GALNTL6: variants seen among roughly 807,000 people sequenced by gnomAD.
GALNTL6 encodes the protein polypeptide N-acetylgalactosaminyltransferase-like 6.
In GALNTL6, 46 loss-of-function variants were observed where a neutral mutation model predicts 73.7. That is an observed-to-expected ratio of 0.62 (90% confidence interval 0.49 to 0.80). GALNTL6 has a LOEUF of 0.80. GALNTL6 is among the 30% of genes least tolerant of loss of function. GALNTL6 has a pLI of 0.00. For synonymous variants in GALNTL6, 259 were observed against 263.7 expected (o/e 0.98, Z 0.17); for missense variants, 604 against 755.0 (o/e 0.80, Z 2.34).
In GALNTL6 at chr4:172,950,652, C is replaced by A. The variant is rs17059044; in HGVS notation, c.1150-1385C>A. On this transcript the variant is annotated intron_variant, in intron 9 of 12. Transcript: ENST00000506823. Reference sequence around the variant, plus strand: ...GTACCAATGATGGTGTCTCCAAATCCAGCAGACCTCTGGGCATAGTTCCAG... The same window carrying A: ...GTACCAATGATGGTGTCTCCAAATCAAGCAGACCTCTGGGCATAGTTCCAG... 8.0e-3 allele frequency among the ~76,000 whole-genome samples: 1,214 copies of A among 152,260 alleles called. 19 individuals are homozygous for A. The highest frequency in any genetic ancestry group is 0.027 in the African/African-American group (1,134 of 41,556).
At position 172,506,201 on chromosome 4, in the gene GALNTL6, A is replaced by T. The variant is rs540273552; in HGVS notation, c.553+157512A>T. On this transcript the variant is annotated intron_variant, in intron 5 of 12. Coordinates refer to ENST00000506823, the MANE Select transcript of GALNTL6 (RefSeq NM_001034845.3). ...TTCATTCAGCACCTGCATACCAGTG[A>T]AACTACTGATGTCAGCTGATATGAA... is the stretch of plus-strand genomic sequence containing the variant. Among the ~76,000 whole-genome samples, 2 of 54,270 alleles carry T rather than the reference A, an allele frequency of 3.7e-5. 1 individual carries two copies. Among genetic ancestry groups the T allele is most frequent in the African/African-American group, 9.3e-5 (2 of 21,620 alleles). 35.6% of individuals were successfully genotyped at this position (54,270 alleles called of 152,430 possible). A position where few individuals can be genotyped will look rare whatever the true frequency, so the allele number is the denominator to read the frequency against.
chr4:172,991,441 C>G (rs1751536360), intron 10 of GALNTL6, among the ~76,000 whole-genome samples: 1 of 151,994 alleles, frequency 6.6e-6, no homozygotes, highest in African/African-American at 2.4e-5. Flanking sequence ...CTCTGTCACC[C>G]AGGCTGCAGT....
In GALNTL6 at chr4:172,026,660, A is replaced by G. The variant is rs1437995148; in HGVS notation, c.139-202996A>G. 2.6e-5 allele frequency among the ~76,000 whole-genome samples: 4 copies of G among 152,114 alleles called. No homozygotes were observed. The East Asian group carries it at 7.7e-4, about 29-fold the overall frequency. ...CTGCATTGTAATACACATTAGGCTCATGTTTCATTTCTATGGTTTTGTATA... is the reference window on the plus strand; with the variant it reads ...CTGCATTGTAATACACATTAGGCTCGTGTTTCATTTCTATGGTTTTGTATA... On this transcript the variant is annotated intron_variant, in intron 2 of 12. Coordinates refer to ENST00000506823, the MANE Select transcript of GALNTL6 (RefSeq NM_001034845.3).
chr4:171,846,771 T>G (rs1248227866), intron 2 of GALNTL6, among the ~76,000 whole-genome samples: 1 of 148,330 alleles, frequency 6.7e-6, no homozygotes, highest in Non-Finnish European at 1.5e-5. Flanking sequence ...TCTAGATATA[T>G]CTATAGATAT....
At position 172,552,944 on chromosome 4, in the gene GALNTL6, A is replaced by G. The variant is rs533237928; in HGVS notation, c.553+204255A>G. Among the ~76,000 whole-genome samples, 13 of 150,484 alleles carry G rather than the reference A, an allele frequency of 8.6e-5. No homozygotes were observed. The South Asian group carries it at 2.4e-3, about 27-fold the overall frequency. ...AGTACCTTTTCTCTCAAGTTGTCTT[A>G]GGTATGGTTAGATTAAATACACATC... On this transcript the variant is annotated intron_variant, in intron 5 of 12. Coordinates refer to ENST00000506823, the MANE Select transcript of GALNTL6 (RefSeq NM_001034845.3).
At chr4:172,408,298 G>A (rs1041619455) in intron 5 of GALNTL6, among the ~76,000 whole-genome samples, 2 of 151,922 alleles carry the variant, frequency 1.3e-5, no homozygotes, top group African/African-American at 2.4e-5. Context: ...ATGATTGTAT[G>A]CTTAATTTGT....
chr4:172,769,872 T>C (rs1395998093), intron 5 of GALNTL6, among the ~76,000 whole-genome samples: 2 of 152,218 alleles, frequency 1.3e-5, no homozygotes, highest in Admixed American at 6.5e-5. Context: ...TCCCAACTTT[T>C]CTCTTACAGT....
intron 2 of GALNTL6, among the ~76,000 whole-genome samples, chr4:171,923,786 C>CTCTGTGTGTGTGTGTGTGTGTG (rs1189195927): frequency 3.8e-5 from 5 of 133,206 alleles, no homozygotes; most frequent in African/African-American, 1.5e-4. Context: ...AAAAGTATTG[C>CTCTGTGTGTGTGTGTGTGTGTG]TGTGTGTGTG....
At chr4:172,160,727 T>G (rs1725097597) in intron 2 of GALNTL6, among the ~76,000 whole-genome samples, 1 of 151,912 alleles carries the variant, frequency 6.6e-6, no homozygotes, top group African/African-American at 2.4e-5. Flanking sequence ...ATATACCTAT[T>G]ATAGGGATAT....
intron 2 of GALNTL6, among the ~76,000 whole-genome samples, chr4:171,940,257 A>G (rs372619705): frequency 1.4e-4 from 22 of 152,056 alleles, no homozygotes; most frequent in African/African-American, 4.6e-4. Context: ...GGGACATTGA[A>G]GGTAATTTCT....
At chr4:171,956,721 GT>G (rs1317083196) in intron 2 of GALNTL6, among the ~76,000 whole-genome samples, 3 of 152,044 alleles carry the variant, frequency 2.0e-5, no homozygotes, top group African/African-American at 7.2e-5. Flanking sequence ...TGACTTTATT[GT>G]TGTTTCTCTC....
intron 5 of GALNTL6, among the ~76,000 whole-genome samples, chr4:172,728,884 G>A (rs56724092): frequency 0.021 from 3,268 of 152,248 alleles, 112 homozygotes; most frequent in African/African-American, 0.074. Flanking sequence ...GCCAACATCT[G>A]TTGTTGCCTG....
At chr4:172,502,946 C>G (rs914245137) in intron 5 of GALNTL6, among the ~76,000 whole-genome samples, 1 of 152,144 alleles carries the variant, frequency 6.6e-6, no homozygotes, top group Admixed American at 6.5e-5. Flanking sequence ...TGTAAATATT[C>G]ATGAAGTAAT....
chr4:172,341,721 T>A (rs1018824299), intron 4 of GALNTL6, among the ~76,000 whole-genome samples: 3 of 152,164 alleles, frequency 2.0e-5, no homozygotes, highest in Non-Finnish European at 4.4e-5. Flanking sequence ...TGTAAGATAT[T>A]GACTTGCTCC....
chr4:172,830,220 A>T (rs917359177), intron 7 of GALNTL6, among the ~76,000 whole-genome samples: 1 of 152,230 alleles, frequency 6.6e-6, no homozygotes, highest in African/African-American at 2.4e-5. Flanking sequence ...AGGAATTCTT[A>T]TATATAATCA....
Position 172,626,755 on chromosome 4 carries a change from A to G in GALNTL6, c.554-182606A>G, listed in dbSNP as rs573411517. On this transcript the variant is annotated intron_variant, in intron 5 of 12. Coordinates refer to ENST00000506823, the MANE Select transcript of GALNTL6 (RefSeq NM_001034845.3). The stretch of plus-strand genomic sequence containing the variant: ...ATTCCTAGGTAATTTTTGTGTGACT[A>G]TTGTAAATGGCATTGCATTCTTGAT... 1.9e-4 allele frequency among the ~76,000 whole-genome samples: 29 copies of G among 152,140 alleles called. No homozygotes were observed. The East Asian group carries it at 4.3e-3, about 22-fold the overall frequency.
In GALNTL6 at chr4:172,311,763, G is replaced by A; in HGVS notation, c.386+11G>A. ...TATTCGTCATGCTAAGTGAGTATCA[G>A]CATATCAGTGATCAGGGTGGGTTTT... On this transcript the variant is annotated intron_variant, in intron 4 of 12. Coordinates refer to ENST00000506823, the MANE Select transcript of GALNTL6 (RefSeq NM_001034845.3). 1 of 1,540,922 alleles carries A rather than the reference G, an allele frequency of 6.5e-7. No individual in the cohort carries two copies. Among genetic ancestry groups the A allele is most frequent in the Non-Finnish European group, 8.8e-7 (1 of 1,139,878 alleles).
chr4:173,008,413 G>C (rs1417728409), intron 10 of GALNTL6, among the ~76,000 whole-genome samples: 1 of 152,218 alleles, frequency 6.6e-6, no homozygotes, highest in Admixed American at 6.5e-5. Flanking sequence ...GCCCCAACCA[G>C]CTGCAGTTTG....
intron 2 of GALNTL6, among the ~76,000 whole-genome samples, chr4:171,887,571 T>C (rs892509103): frequency 4.6e-5 from 7 of 152,136 alleles, no homozygotes; most frequent in Admixed American, 3.3e-4. Flanking sequence ...AGTGGTAAGA[T>C]AATTATAAAA....
Sources: gnomAD v4.1 joint callset for allele counts (sites outside exome capture counted in the v4.1 genomes callset) on GRCh38, gnomAD v4.1.1 for gene constraint, MANE v1.5 for transcripts, NCBI Gene and HGNC (gene_info 2026-07-23, HGNC 2026-07-21) for gene names.